Variants in RANBP2 observed in about 807,000 individuals in gnomAD.
RANBP2 encodes E3 SUMO-protein ligase RanBP2.
A neutral mutation model predicts 303.6 loss-of-function variants in RANBP2; 57 were observed. The ratio of observed to expected loss-of-function variants is 0.19; its 90% CI spans 0.15 to 0.23. The LOEUF (loss-of-function observed/expected upper bound fraction) is 0.23, where lower values mean the gene tolerates loss of function less well. Ranked by LOEUF, RANBP2 falls within the 10% of genes least tolerant of loss-of-function variation. The pLI is 1.00. For missense variants in RANBP2, 3,138 were observed against 3,780.8 expected (o/e 0.83, Z 4.46); for synonymous variants, 1,167 against 1,301.5 (o/e 0.90, Z 2.23).
At chr2:108,803,400 T>G in the RANBP2 span, among the ~76,000 whole-genome samples, 1 of 152,080 alleles carries the variant, frequency 6.6e-6, no homozygotes, top group Non-Finnish European at 1.5e-5. Flanking sequence ...CTCATTTCTT[T>G]AGTGGACATT....
chr2:109,151,246 T>A, the RANBP2 span, among the ~76,000 whole-genome samples: 1 of 152,178 alleles, frequency 6.6e-6, no homozygotes, highest in South Asian at 2.1e-4. Flanking sequence ...TGTCCGAGGC[T>A]TTTTCATGTT....
the RANBP2 span, among the ~76,000 whole-genome samples, chr2:109,260,174 C>T: frequency 1.3e-5 from 2 of 152,112 alleles, no homozygotes; most frequent in Non-Finnish European, 2.9e-5. Context: ...ACTTTCCTGG[C>T]GGCTGTTGAT....
chr2:109,338,251 G>A, the RANBP2 span, among the ~76,000 whole-genome samples: 1 of 152,134 alleles, frequency 6.6e-6, no homozygotes, highest in Non-Finnish European at 1.5e-5. Context: ...CTGTGAGACA[G>A]ATACTTAGCA....
the RANBP2 span, among the ~76,000 whole-genome samples, chr2:109,337,086 G>T: frequency 6.6e-6 from 1 of 152,250 alleles, no homozygotes; most frequent in African/African-American, 2.4e-5. Context: ...TATCCTAAAT[G>T]TAAATTCAGG....
chr2:109,431,557 TCA>T, the RANBP2 span, among the ~76,000 whole-genome samples: 1 of 152,228 alleles, frequency 6.6e-6, no homozygotes, highest in African/African-American at 2.4e-5. Flanking sequence ...GCTGGGATTT[TCA>T]CCACTAAATT....
the RANBP2 span, among the ~76,000 whole-genome samples, chr2:108,996,738 T>A: frequency 6.6e-6 from 1 of 152,068 alleles, no homozygotes; most frequent in South Asian, 2.1e-4. Flanking sequence ...AACCCTGAAG[T>A]CTCGGTGGCA....
the RANBP2 span, among the ~76,000 whole-genome samples, chr2:109,414,267 CT>C: frequency 6.6e-6 from 1 of 152,202 alleles, no homozygotes; most frequent in East Asian, 1.9e-4. Flanking sequence ...AGAGTGACTG[CT>C]TTATAGCCTG....
At chr2:109,765,240 A>AC in the RANBP2 span, among the ~76,000 whole-genome samples, 2 of 141,874 alleles carry the variant, frequency 1.4e-5, no homozygotes, top group African/African-American at 5.3e-5. Context: ...TCAGACCATG[A>AC]CCCCCAGTAA....
At chr2:109,302,814 T>C in the RANBP2 span, among the ~76,000 whole-genome samples, 1 of 152,212 alleles carries the variant, frequency 6.6e-6, no homozygotes, top group Non-Finnish European at 1.5e-5. Flanking sequence ...TGGAGAAAAG[T>C]GGACATTCTA....
the RANBP2 span, among the ~76,000 whole-genome samples, chr2:109,142,805 G>C: frequency 6.6e-6 from 1 of 152,322 alleles, no homozygotes; most frequent in South Asian, 2.1e-4. Flanking sequence ...AGGCTTGTCG[G>C]TAAATGTGGG....
At chr2:109,603,070 CAAAAACAAAACAAA>C in the RANBP2 span, among the ~76,000 whole-genome samples, 111 of 151,298 alleles carry the variant, frequency 7.3e-4, no homozygotes, top group South Asian at 6.1e-3. Flanking sequence ...GGCCCTGTCT[CAAAAACAAAACAAA>C]AAAAACAAAA....
chr2:108,890,232 C>CTTTTTTTTTTTTTT, the RANBP2 span, among the ~76,000 whole-genome samples: 1 of 114,698 alleles, frequency 8.7e-6, no homozygotes, highest in African/African-American at 3.5e-5. Context: ...ATGGGGTTTT[C>CTTTTTTTTTTTTTT]TTTTTTTTTT....
the RANBP2 span, among the ~76,000 whole-genome samples, chr2:109,094,463 A>G: frequency 6.6e-6 from 1 of 152,230 alleles, no homozygotes; most frequent in Non-Finnish European, 1.5e-5. Context: ...CAATTAAGAA[A>G]CTGGCAAATG....
At chr2:109,481,441 T>C in the RANBP2 span, among the ~76,000 whole-genome samples, 6 of 152,074 alleles carry the variant, frequency 3.9e-5, no homozygotes, top group African/African-American at 1.2e-4. Flanking sequence ...GTTTGGAGCT[T>C]CTGGTATGTT....
the RANBP2 span, among the ~76,000 whole-genome samples, chr2:109,278,794 A>G: frequency 6.6e-6 from 1 of 152,128 alleles, no homozygotes. Context: ...CTTCACCTGT[A>G]TCTTGTTTGT....
the RANBP2 span, among the ~76,000 whole-genome samples, chr2:109,044,472 G>A: frequency 6.6e-6 from 1 of 152,188 alleles, no homozygotes; most frequent in African/African-American, 2.4e-5. Flanking sequence ...GCAGTGAACC[G>A]AGATGGCGCC....
At chr2:109,648,661 T>C in the RANBP2 span, among the ~76,000 whole-genome samples, 1 of 149,622 alleles carries the variant, frequency 6.7e-6, no homozygotes, top group East Asian at 2.0e-4. Context: ...TCTTTTTTTT[T>C]TTTTTTTTCT....
chr2:109,184,884 A>T, the RANBP2 span, among the ~76,000 whole-genome samples: 1 of 152,384 alleles, frequency 6.6e-6, no homozygotes, highest in East Asian at 1.9e-4. Context: ...CTGGTCCCTC[A>T]GCGAAAAAGG....
At chr2:109,325,826 C>T in the RANBP2 span, among the ~76,000 whole-genome samples, 48 of 152,152 alleles carry the variant, frequency 3.2e-4, no homozygotes, top group African/African-American at 9.4e-4. Context: ...GATGCTGGCC[C>T]GAGCAGGGAC....
Sources: allele counts gnomAD v4.1 joint callset (sites outside exome capture counted in the v4.1 genomes callset), GRCh38; gene constraint gnomAD v4.1.1; transcripts MANE v1.5; gene names NCBI Gene and HGNC (gene_info 2026-07-23, HGNC 2026-07-21).